The following IL11RA variants were observed in gnomAD, a reference collection of about 807,000 sequenced individuals.
IL11RA encodes interleukin-11 receptor subunit alpha.
Under a neutral mutation model 57.0 loss-of-function variants are expected in IL11RA, and 51 were observed. The ratio of observed to expected loss-of-function variants is 0.89; its 90% confidence interval spans 0.71 to 1.13. IL11RA has a LOEUF of 1.13. Among genes scored for constraint, IL11RA ranks in the 50% most tolerant of loss-of-function variants. The probability of loss-of-function intolerance (pLI) is 0.00; values close to 1 mark genes in which losing one functional copy is unlikely to be tolerated. For missense variants in IL11RA, 498 were observed against 539.4 expected (o/e 0.92, Z 0.76); for synonymous variants, 199 against 217.5 (o/e 0.91, Z 0.75).
rs754355128 is a variant in IL11RA, at chr9:34,655,683, C to G, written c.161+18C>G. The G allele has an allele frequency of 7.2e-5, 116 of 1,612,244 alleles. 1 individual carries two copies. Among genetic ancestry groups the G allele is most frequent in the Non-Finnish European group, 9.6e-5 (113 of 1,178,416 alleles). On this transcript the variant is annotated intron_variant, in intron 3 of 12. Coordinates refer to ENST00000441545, the MANE Select transcript of IL11RA (RefSeq NM_001142784.3). The stretch of plus-strand genomic sequence containing the variant: ...ACTGCCGGGTAAGTGCCCCACCTGC[C>G]TGTTGGTCTGACACTCATGACCCTT...
chr9:34,655,961 C>T, intron 3 of IL11RA: 1 of 456,370 alleles, frequency 2.2e-6, no homozygotes, highest in Non-Finnish European at 4.1e-6. Context: ...AAAGGAGAAT[C>T]TTGCCAGATA....
Position 34,661,579 on chromosome 9 carries a change from C to A in IL11RA, c.*81C>A. On this transcript the variant is annotated 3_prime_UTR_variant, in exon 13 of 13. Coordinates refer to ENST00000441545, the MANE Select transcript of IL11RA (RefSeq NM_001142784.3). ...ATAGAAACCAGGCAGGACAGTAGAT[C>A]CCTATGGTTGGATCTCAGCTGGAAG... is the stretch of plus-strand genomic sequence containing the variant. The A allele has an allele frequency of 7.2e-7, 1 of 1,394,170 alleles. No homozygotes were observed. Among genetic ancestry groups the A allele is most frequent in the Non-Finnish European group, 1.0e-6 (1 of 979,490 alleles). 86.4% of individuals were successfully genotyped at this position (1,394,170 alleles called of 1,614,324 possible).
intron 12 of IL11RA, 111 bp downstream of exon 12, chr9:34,661,047 T>A (rs193156519): frequency 1.1e-6 from 1 of 885,818 alleles, no homozygotes; most frequent in East Asian, 2.5e-5. Flanking sequence ...GGAATCCAAG[T>A]TGGGTCTCCT....
chr9:34,658,534 C>T lies in IL11RA; in HGVS notation c.661C>T (p.Pro221Ser). ...SLQSILRPDP[P>S]QGLRVESVPG... ...GATGCCCTTAGTGCGCCCTGACCCA[C>T]CCCAGGGCCTGCGGGTAGAGTCAGT... The change falls in exon 8 of 13, where the codon CCC (proline) becomes TCC (serine). Residue 221 changes from proline (P) to serine (S), a missense_variant. Physicochemically the swap from Pro to Ser is moderately conservative, Grantham distance 74. Coordinates refer to ENST00000441545, the MANE Select transcript of IL11RA (RefSeq NM_001142784.3). This position sits in a 1 kb window ranked among gnomAD's most constrained non-coding sequence, Gnocchi z 4.0. The T allele has an allele frequency of 6.2e-7, 1 of 1,614,194 alleles. No homozygotes were observed. The highest frequency in any genetic ancestry group is 2.2e-5 in the East Asian group (1 of 44,890).
Position 34,655,595 on chromosome 9 carries a change from CCCTCCA to C in IL11RA, c.101-8_101-3del. On this transcript the variant is annotated splice_polypyrimidine_tract_variant and splice_region_variant and intron_variant, in intron 2 of 12. Transcript: ENST00000441545. Reference sequence around the variant, plus strand: ...AAGGAAGAGCCTTACCTCAGAAGTGCCCTCCACAGGGGTCCAGTATGGGCAGCCAGG... The same window carrying C: ...AAGGAAGAGCCTTACCTCAGAAGTGCCAGGGGTCCAGTATGGGCAGCCAGG... 6.2e-7 allele frequency: 1 copy of C among 1,613,702 alleles called. No homozygotes were observed.
chr9:34,655,245 A>G lies in IL11RA; in HGVS notation c.28A>G (p.Arg10Gly). Reference sequence around the variant, plus strand: ...GAGCAGCAGCTGCTCAGGGCTGAGCAGGGTCCTGGTGGCCGTGGCTACAGC... The same window carrying G: ...GAGCAGCAGCTGCTCAGGGCTGAGCGGGGTCCTGGTGGCCGTGGCTACAGC... The part of the protein sequence containing the change: MSSSCSGLS[R>G]VLVAVATALV... The change falls in exon 2 of 13, where the codon AGG (arginine) becomes GGG (glycine). Residue 10 changes from arginine to glycine, a missense_variant. Transcript: ENST00000441545. 1 of 1,612,182 alleles carries G rather than the reference A, an allele frequency of 6.2e-7. No individual in the cohort carries two copies. Among genetic ancestry groups the G allele is most frequent in the Non-Finnish European group, 8.5e-7 (1 of 1,179,304 alleles).
In IL11RA at chr9:34,656,064, C is replaced by T. The variant is rs148551406; in HGVS notation, c.161+399C>T. 3,072 of 309,336 alleles carry T rather than the reference C, an allele frequency of 9.9e-3. 107 individuals carry two copies. The highest frequency in any genetic ancestry group is 0.062 in the African/African-American group (2,812 of 45,262). The allele number at this position is 309,336 out of a possible 1,614,324, so 19.2% of individuals were successfully genotyped here. A position where few individuals can be genotyped will look rare whatever the true frequency, so the allele number is the denominator to read the frequency against. On this transcript the variant is annotated intron_variant, in intron 3 of 12. Coordinates refer to ENST00000441545, the MANE Select transcript of IL11RA (RefSeq NM_001142784.3). ...TTTTTTTTTTTTTCCGAGAGTCTCA[C>T]TCTGTTGCCCAGGCTGGAGTGCAGT...
chr9:34,661,450 G>A, intron 12 of IL11RA, 32 bp from the exon 13 acceptor site: 2 of 1,612,960 alleles, frequency 1.2e-6, no homozygotes, highest in Non-Finnish European at 1.7e-6. Flanking sequence ...CGGTCTTACT[G>A]TCTCTCCTGA....
In IL11RA at chr9:34,661,702, C is replaced by T. The variant is rs1281822723; in HGVS notation, c.*204C>T. 4 of 726,834 alleles carry T rather than the reference C, an allele frequency of 5.5e-6. No homozygotes were observed. The highest frequency in any genetic ancestry group is 3.5e-5 in the African/African-American group (2 of 57,614). 45.0% of individuals were successfully genotyped at this position (726,834 alleles called of 1,614,324 possible). ...TTCACCCCAGAGTTGGAGTTCTGCT[C>T]AAGGAACGTGTGTAATGTGTACATC... On this transcript the variant is annotated 3_prime_UTR_variant, in exon 13 of 13. Coordinates refer to ENST00000441545, the MANE Select transcript of IL11RA (RefSeq NM_001142784.3).
Position 34,658,393 on chromosome 9 carries a change from G to T in IL11RA, c.647-127G>T. On this transcript the variant is annotated intron_variant, in intron 7 of 12. Transcript: ENST00000441545. This position sits in a 1 kb window ranked among gnomAD's most constrained non-coding sequence, Gnocchi z 4.0. ...CGGTCTGAGTCTAATGGATGATCAA[G>T]TTTAAGATTTCCCCTCCCCTCTCAG... is the stretch of plus-strand genomic sequence containing the variant. The T allele has an allele frequency of 1.0e-6, 1 of 979,700 alleles. No homozygotes were observed. 60.7% of individuals were successfully genotyped at this position (979,700 alleles called of 1,614,324 possible).
At chr9:34,655,749 C>A in intron 3 of IL11RA, 84 bp downstream of exon 3, 1 of 1,117,342 alleles carries the variant, frequency 8.9e-7, no homozygotes, top group Non-Finnish European at 1.4e-6. Flanking sequence ...CCCTCCCATC[C>A]TTGCCCGCTC....
chr9:34,655,174 C>A, intron 1 of IL11RA, 44 bp from the exon 2 acceptor site: 1 of 1,359,086 alleles, frequency 7.4e-7, no homozygotes, highest in Non-Finnish European at 1.0e-6. Context: ...CTTTAGCCTC[C>A]CATCTCAGGG....
Position 34,658,829 on chromosome 9 carries a change from G to T in IL11RA, c.810+146G>T. 1 of 849,690 alleles carries T rather than the reference G, an allele frequency of 1.2e-6. No individual in the cohort carries two copies. The highest frequency in any genetic ancestry group is 2.6e-5 in the East Asian group (1 of 37,802). The allele number at this position is 849,690 out of a possible 1,614,324, so 52.6% of individuals were successfully genotyped here. On this transcript the variant is annotated intron_variant, in intron 8 of 12. Coordinates refer to ENST00000441545, the MANE Select transcript of IL11RA (RefSeq NM_001142784.3). This position sits in a 1 kb window ranked among gnomAD's most constrained non-coding sequence, Gnocchi z 4.0. Reference sequence around the variant, plus strand: ...GGGCCAGGCTTTGTACTGGGTGCTGGGTTGCAGTGGTGACTGAGAGACTGA... The same window carrying T: ...GGGCCAGGCTTTGTACTGGGTGCTGTGTTGCAGTGGTGACTGAGAGACTGA...
intron 11 of IL11RA, 58 bp from the exon 12 acceptor site, chr9:34,660,796 T>C: frequency 2.0e-6 from 3 of 1,472,338 alleles, no homozygotes; most frequent in Non-Finnish European, 2.9e-6. Flanking sequence ...ATAAACCCTT[T>C]GGCGGAGACT....
chr9:34,654,514 AG>A (rs1821305198), intron 1 of IL11RA, among the ~76,000 whole-genome samples: 1 of 146,950 alleles, frequency 6.8e-6, no homozygotes, highest in East Asian at 2.1e-4. Flanking sequence ...GGCAGCAGCC[AG>A]GGCATCTGGA....
rs1821288997 is a variant in IL11RA, at chr9:34,653,584, G to C, written c.-1+1351G>C. On this transcript the variant is annotated intron_variant, in intron 1 of 12. Coordinates refer to ENST00000441545, the MANE Select transcript of IL11RA (RefSeq NM_001142784.3). This position sits in a 1 kb window ranked among gnomAD's most constrained non-coding sequence, Gnocchi z 4.5. ...TGATTTTTCATTTGATTGTGTCCAC[G>C]TGTGTTCAAAGGCATGCCCTTTTGT... 6.6e-6 allele frequency among the ~76,000 whole-genome samples: 1 copy of C among 152,212 alleles called. No individual in the cohort carries two copies. The highest frequency in any genetic ancestry group is 1.5e-5 in the Non-Finnish European group (1 of 68,034).
chr9:34,659,816 GCTGTA>G lies in IL11RA; in HGVS notation c.870_874del (p.Val291SerfsTer66). ...AGATGCTGTGGCTGGGCTGCCCCAT[GCTGTA>G]CGAGTCAGTGCCCGGGACTTTCTAG... On this transcript the variant is annotated frameshift_variant, in exon 9 of 13. Transcript: ENST00000441545. LOFTEE classifies it high-confidence loss of function. The G allele has an allele frequency of 6.2e-7, 1 of 1,614,210 alleles. No homozygotes were observed. The highest frequency in any genetic ancestry group is 2.2e-5 in the East Asian group (1 of 44,892).
In IL11RA at chr9:34,658,601, C is replaced by G. The variant is rs1448963132; in HGVS notation, c.728C>G (p.Pro243Arg). The G allele has an allele frequency of 1.9e-6, 3 of 1,614,030 alleles. No individual in the cohort carries two copies. In the East Asian group the frequency reaches 6.7e-5, roughly 36 times the overall value. Residue 243 changes from proline (P) to arginine (R), a missense_variant, in exon 8 of 13, where the codon CCT (proline) becomes CGT (arginine). By Grantham distance (103) the Pro-to-Arg change is moderately radical. Coordinates refer to ENST00000441545, the MANE Select transcript of IL11RA (RefSeq NM_001142784.3). The surrounding 1 kb of genome is among the most constrained non-coding windows in gnomAD (Gnocchi z 4.0). ...CGCCTGCGAGCCAGCTGGACATACC[C>G]TGCCTCCTGGCCGTGCCAGCCCCAC... is the stretch of plus-strand genomic sequence containing the variant. The part of the protein sequence containing the change: ...PRRLRASWTY[P>R]ASWPCQPHFL...
rs1821397889 is a variant in IL11RA, at chr9:34,658,727, CT to C, written c.810+45del. The C allele has an allele frequency of 6.3e-7, 1 of 1,598,560 alleles. No homozygotes were observed. The highest frequency in any genetic ancestry group is 8.5e-7 in the Non-Finnish European group (1 of 1,174,744). On this transcript the variant is annotated intron_variant, in intron 8 of 12. Transcript: ENST00000441545. The surrounding 1 kb of genome is among the most constrained non-coding windows in gnomAD (Gnocchi z 4.0). ...CCCAACCCACGGCTGTGGGTCCTGT[CT>C]CTGATTTCACGATCCTGGGTGTTCT...
Sources: allele counts gnomAD v4.1 joint callset (sites outside exome capture counted in the v4.1 genomes callset), GRCh38; gene constraint gnomAD v4.1.1; non-coding constraint Gnocchi (gnomAD v3.1); transcripts MANE v1.5; gene names NCBI Gene and HGNC (gene_info 2026-07-23, HGNC 2026-07-21).